Variants in ARK2C observed in about 807,000 individuals in gnomAD.
The protein encoded by ARK2C is arkadia (RNF111) C-terminal like ring finger ubiquitin ligase 2C, also known as E3 ubiquitin-protein ligase ARK2C.
the ARK2C span, among the ~76,000 whole-genome samples, chr18:46,436,017 C>T: frequency 6.6e-6 from 1 of 152,222 alleles, no homozygotes; most frequent in Non-Finnish European, 1.5e-5. Context: ...TTCCCTCACT[C>T]AGCACAGATA....
At chr18:46,354,489 A>T in the ARK2C span, among the ~76,000 whole-genome samples, 1 of 152,214 alleles carries the variant, frequency 6.6e-6, no homozygotes, top group Non-Finnish European at 1.5e-5. Flanking sequence ...TGCTGACAAG[A>T]TGGAGTTCTC....
the ARK2C span, among the ~76,000 whole-genome samples, chr18:46,440,013 A>AG: frequency 6.6e-6 from 1 of 152,186 alleles, no homozygotes; most frequent in South Asian, 2.1e-4. Context: ...TATTTTTAGT[A>AG]GAGACAGGGT....
At chr18:46,399,730 G>A in the ARK2C span, among the ~76,000 whole-genome samples, 1 of 152,168 alleles carries the variant, frequency 6.6e-6, no homozygotes, top group Non-Finnish European at 1.5e-5. Context: ...AGAGGCAGAG[G>A]AGGACAGTGT....
chr18:46,393,475 C>T, the ARK2C span, among the ~76,000 whole-genome samples: 1 of 152,192 alleles, frequency 6.6e-6, no homozygotes, highest in South Asian at 2.1e-4. Flanking sequence ...AGAAATGGGG[C>T]TGGGAGGCTT....
the ARK2C span, chr18:46,456,129 G>C: frequency 3.6e-4 from 404 of 1,135,406 alleles, no homozygotes; most frequent in Non-Finnish European, 4.8e-4. Context: ...ATAGGTATTG[G>C]TGACCAATCA....
chr18:46,402,479 G>A, the ARK2C span, among the ~76,000 whole-genome samples: 1 of 152,128 alleles, frequency 6.6e-6, no homozygotes, highest in East Asian at 1.9e-4. Flanking sequence ...TGTTTCTTGT[G>A]TAAAATTCCA....
chr18:46,358,748 C>A, the ARK2C span, among the ~76,000 whole-genome samples: 1 of 152,212 alleles, frequency 6.6e-6, no homozygotes, highest in Non-Finnish European at 1.5e-5. Flanking sequence ...CACTGACCAG[C>A]TTCTCACCCC....
chr18:46,337,232 A>G, the ARK2C span: 1 of 985,286 alleles, frequency 1.0e-6, no homozygotes, highest in Non-Finnish European at 1.2e-6. Context: ...AAAAGAAAAG[A>G]AAAGAAAAAA....
At chr18:46,407,617 T>C in the ARK2C span, among the ~76,000 whole-genome samples, 1 of 152,118 alleles carries the variant, frequency 6.6e-6, no homozygotes, top group African/African-American at 2.4e-5. Context: ...ATGCAGAGGG[T>C]ATTTCCAGAC....
the ARK2C span, chr18:46,433,507 T>C: frequency 6.3e-7 from 1 of 1,599,150 alleles, no homozygotes; most frequent in African/African-American, 1.3e-5. Flanking sequence ...GCACCCCAGG[T>C]TGGTGCTGCC....
the ARK2C span, among the ~76,000 whole-genome samples, chr18:46,412,860 C>T: frequency 1.4e-4 from 21 of 152,178 alleles, no homozygotes; most frequent in African/African-American, 4.3e-4. Context: ...AGATAAGGAC[C>T]GAGGCCCAAA....
At chr18:46,453,445 T>C in the ARK2C span, among the ~76,000 whole-genome samples, 1 of 151,716 alleles carries the variant, frequency 6.6e-6, no homozygotes, top group Non-Finnish European at 1.5e-5. Context: ...AGAGAACCAA[T>C]GCTAAGAATT....
the ARK2C span, among the ~76,000 whole-genome samples, chr18:46,428,630 G>C: frequency 3.8e-3 from 575 of 152,266 alleles, 5 homozygotes; most frequent in African/African-American, 0.013. Flanking sequence ...AATGAGGCTA[G>C]GGCGAATTGA....
chr18:46,412,060 T>G, the ARK2C span, among the ~76,000 whole-genome samples: 1 of 152,196 alleles, frequency 6.6e-6, no homozygotes, highest in Non-Finnish European at 1.5e-5. Flanking sequence ...TATTTTTAAA[T>G]GCCCTCTCTT....
the ARK2C span, chr18:46,459,072 T>C: frequency 6.6e-6 from 1 of 152,286 alleles, no homozygotes; most frequent in Non-Finnish European, 1.5e-5. Flanking sequence ...CATCGGAAGA[T>C]GGCTTTGGCC....
the ARK2C span, chr18:46,336,861 C>CA: frequency 2.0e-6 from 2 of 985,008 alleles, no homozygotes; most frequent in African/African-American, 1.8e-5. Context: ...TAGTTGGAGG[C>CA]AAAAAATGTT....
chr18:46,340,798 C>T, the ARK2C span, among the ~76,000 whole-genome samples: 9 of 152,224 alleles, frequency 5.9e-5, no homozygotes, highest in Non-Finnish European at 1.3e-4. Context: ...GACAGTTGCC[C>T]CTTCCCTTCA....
At chr18:46,377,500 G>A in the ARK2C span, among the ~76,000 whole-genome samples, 1 of 152,154 alleles carries the variant, frequency 6.6e-6, no homozygotes, top group African/African-American at 2.4e-5. Context: ...AGTGGCTGGA[G>A]GGGATTTTCC....
chr18:46,346,958 A>C, the ARK2C span, among the ~76,000 whole-genome samples: 1 of 152,204 alleles, frequency 6.6e-6, no homozygotes, highest in Non-Finnish European at 1.5e-5. Context: ...GAGACCCCCG[A>C]ACACTCCTGA....
Sources: gnomAD v4.1 joint callset for allele counts (sites outside exome capture counted in the v4.1 genomes callset) on GRCh38, gnomAD v4.1.1 for gene constraint, MANE v1.5 for transcripts, NCBI Gene and HGNC (gene_info 2026-07-23, HGNC 2026-07-21) for gene names.